SLC24A2: variants seen among roughly 807,000 people sequenced by gnomAD.
SLC24A2 encodes the protein solute carrier family 24 member 2.
SLC24A2 carries 36 observed loss-of-function variants against 62.0 expected under a neutral mutation model. The ratio of observed to expected loss-of-function variants is 0.58; its 90% CI spans 0.44 to 0.77. SLC24A2 has a LOEUF of 0.77. Ranked by LOEUF, SLC24A2 falls within the 30% of genes least tolerant of loss-of-function variation. SLC24A2 has a pLI of 0.00. For missense variants in SLC24A2, 846 were observed against 817.9 expected (o/e 1.03, Z -0.42); for synonymous variants, 358 against 294.0 (o/e 1.22, Z -2.23).
intron 8 of SLC24A2, among the ~76,000 whole-genome samples, chr9:19,540,573 C>T (rs1318083890): frequency 6.8e-6 from 1 of 147,810 alleles, no homozygotes. Context: ...GCCGAGAGAT[C>T]CGCTGTTAGT....
At chr9:19,984,340 A>G in the SLC24A2 span, among the ~76,000 whole-genome samples, 71,854 of 152,006 alleles carry the variant, frequency 0.47, 17,906 homozygotes, top group Non-Finnish European at 0.55. Flanking sequence ...TTTCAAAGCT[A>G]CAGTAATTAA....
chr9:20,084,125 T>G, the SLC24A2 span, among the ~76,000 whole-genome samples: 16 of 152,226 alleles, frequency 1.1e-4, no homozygotes, highest in African/African-American at 3.6e-4. Context: ...TCATTTCTCA[T>G]GGCCCACAGA....
upstream of SLC24A2, among the ~76,000 whole-genome samples, chr9:19,790,683 A>C (rs1823307465): frequency 6.6e-6 from 1 of 152,182 alleles, no homozygotes; most frequent in South Asian, 2.1e-4. Flanking sequence ...CTGTTTTAGG[A>C]AAAGGAAAAC....
chr9:19,565,453 A>G (rs1370118765), intron 7 of SLC24A2, among the ~76,000 whole-genome samples: 11 of 151,200 alleles, frequency 7.3e-5, no homozygotes, highest in African/African-American at 7.3e-5. Flanking sequence ...CCACTGCTCA[A>G]TGAAATAAAA....
the SLC24A2 span, among the ~76,000 whole-genome samples, chr9:19,905,590 T>C: frequency 6.6e-6 from 1 of 151,984 alleles, no homozygotes. Flanking sequence ...ATTTTGTATT[T>C]TTAGTAGAGA....
At chr9:20,025,547 C>G in the SLC24A2 span, among the ~76,000 whole-genome samples, 3 of 152,016 alleles carry the variant, frequency 2.0e-5, no homozygotes, top group Admixed American at 2.0e-4. Context: ...TAGTTATGAC[C>G]ATAAGAATGA....
At chr9:20,077,484 G>A in the SLC24A2 span, among the ~76,000 whole-genome samples, 1 of 152,106 alleles carries the variant, frequency 6.6e-6, no homozygotes, top group South Asian at 2.1e-4. Context: ...AGGCAGTTGT[G>A]TTCTACCTCA....
At chr9:20,091,643 T>A in the SLC24A2 span, among the ~76,000 whole-genome samples, 114 of 152,262 alleles carry the variant, frequency 7.5e-4, 2 homozygotes, top group East Asian at 0.018. Context: ...TCCTTTCAGA[T>A]AAGGATAAGC....
At chr9:19,986,437 A>C in the SLC24A2 span, among the ~76,000 whole-genome samples, 66 of 152,294 alleles carry the variant, frequency 4.3e-4, 1 homozygote, top group South Asian at 8.9e-3. Context: ...ATCTCTAGGT[A>C]TGTAATCCTA....
At chr9:19,779,026 G>C (rs566007117) in intron 2 of SLC24A2, among the ~76,000 whole-genome samples, 1 of 152,282 alleles carries the variant, frequency 6.6e-6, no homozygotes, top group South Asian at 2.1e-4. Context: ...AAAGTCAATA[G>C]ATGCGCTTTA....
At chr9:19,680,069 G>A (rs1819676292) in intron 2 of SLC24A2, among the ~76,000 whole-genome samples, 1 of 152,084 alleles carries the variant, frequency 6.6e-6, no homozygotes, top group African/African-American at 2.4e-5. Flanking sequence ...CACATACTAA[G>A]TACTTACTGT....
chr9:20,053,516 G>T, the SLC24A2 span, among the ~76,000 whole-genome samples: 1 of 152,014 alleles, frequency 6.6e-6, no homozygotes. Context: ...ATGAATGTTT[G>T]TGTCCTCCCC....
chr9:19,867,013 C>A, the SLC24A2 span, among the ~76,000 whole-genome samples: 2 of 151,932 alleles, frequency 1.3e-5, no homozygotes, highest in Admixed American at 1.3e-4. Flanking sequence ...AACAGGGTGA[C>A]CATGGTCAAT....
intron 5 of SLC24A2, among the ~76,000 whole-genome samples, chr9:19,583,657 C>T (rs1051396932): frequency 2.6e-5 from 4 of 152,072 alleles, no homozygotes; most frequent in Non-Finnish European, 5.9e-5. Context: ...AGCCCATGGC[C>T]CCAGTGGAAC....
chr9:20,051,200 C>A, the SLC24A2 span, among the ~76,000 whole-genome samples: 6 of 152,038 alleles, frequency 3.9e-5, no homozygotes, highest in Admixed American at 3.3e-4. Context: ...ACCATGCTAA[C>A]GCTAATCAAA....
the SLC24A2 span, among the ~76,000 whole-genome samples, chr9:20,285,593 A>C: frequency 3.9e-3 from 592 of 152,340 alleles, 5 homozygotes; most frequent in Non-Finnish European, 6.9e-3. Context: ...CTGATATCAG[A>C]GAGGGCAAGC....
chr9:19,612,081 TTCTC>T (rs1837189719), intron 4 of SLC24A2, among the ~76,000 whole-genome samples: 1 of 152,186 alleles, frequency 6.6e-6, no homozygotes, highest in Non-Finnish European at 1.5e-5. Flanking sequence ...GGATAACAGA[TTCTC>T]TCTCATGGGC....
At chr9:19,996,410 T>C in the SLC24A2 span, among the ~76,000 whole-genome samples, 2 of 152,144 alleles carry the variant, frequency 1.3e-5, no homozygotes, top group Non-Finnish European at 1.5e-5. Flanking sequence ...TTTGTTAATA[T>C]ATGAATACAT....
At chr9:19,543,279 C>G (rs183916228) in intron 8 of SLC24A2, among the ~76,000 whole-genome samples, 9 of 152,076 alleles carry the variant, frequency 5.9e-5, no homozygotes, top group Non-Finnish European at 1.5e-5. Flanking sequence ...GTGATATCCC[C>G]TTTATCATTT....
Sources: gnomAD v4.1 joint callset for allele counts (sites outside exome capture counted in the v4.1 genomes callset) on GRCh38, gnomAD v4.1.1 for gene constraint, MANE v1.5 for transcripts, NCBI Gene and HGNC (gene_info 2026-07-23, HGNC 2026-07-21) for gene names.